Variants in NID1 observed in about 807,000 individuals in gnomAD.
The protein encoded by NID1 is nidogen 1.
A neutral mutation model predicts 130.6 loss-of-function variants in NID1; 76 were observed. That is an observed-to-expected ratio of 0.58 (90% CI 0.48 to 0.70). The LOEUF is 0.70. Ranked by LOEUF, NID1 falls within the 30% of genes least tolerant of loss-of-function variation. The probability of loss-of-function intolerance (pLI) is 0.00; values close to 1 mark genes in which losing one functional copy is unlikely to be tolerated. For missense variants in NID1, 1,517 were observed against 1,664.8 expected, an observed-to-expected ratio of 0.91 and a Z score of 1.54; for synonymous variants, 665 against 675.1, an observed-to-expected ratio of 0.98 and a Z score of 0.23.
intron 3 of NID1, among the ~76,000 whole-genome samples, chr1:236,043,149 A>G (rs914474954): frequency 6.6e-6 from 1 of 152,158 alleles, no homozygotes. Context: ...TGGTTGTTCC[A>G]GAGTTGTATC....
At chr1:236,019,433 A>G (rs2102821447) in intron 9 of NID1, among the ~76,000 whole-genome samples, 1 of 152,336 alleles carries the variant, frequency 6.6e-6, no homozygotes, top group East Asian at 1.9e-4. Context: ...GAGCAAAATC[A>G]CAGGGGATCT....
chr1:236,054,184 G>A (rs1046017428), intron 1 of NID1, among the ~76,000 whole-genome samples: 6 of 152,186 alleles, frequency 3.9e-5, no homozygotes, highest in Non-Finnish European at 7.3e-5. Context: ...GGCTAGGCGA[G>A]GTGGCTTGCT....
intron 12 of NID1, among the ~76,000 whole-genome samples, chr1:236,011,702 CCTT>C (rs1473604114): frequency 6.6e-6 from 1 of 152,236 alleles, no homozygotes; most frequent in Admixed American, 6.5e-5. Flanking sequence ...TCCCGCCTCA[CCTT>C]CTCTCCCAGG....
At chr1:236,026,572 A>T (rs1658936193) in intron 7 of NID1, among the ~76,000 whole-genome samples, 2 of 152,150 alleles carry the variant, frequency 1.3e-5, no homozygotes, top group Non-Finnish European at 2.9e-5. Context: ...AAATAGGTCA[A>T]GGTGGGGATC....
chr1:236,057,283 C>A (rs948423997), intron 1 of NID1, among the ~76,000 whole-genome samples: 1 of 151,890 alleles, frequency 6.6e-6, no homozygotes, highest in Non-Finnish European at 1.5e-5. Context: ...ATTATGGGAT[C>A]GCACTTTAGT....
intron 1 of NID1, 112 bp downstream of exon 1, chr1:236,064,743 G>A: frequency 1.1e-6 from 1 of 937,458 alleles, no homozygotes; most frequent in Non-Finnish European, 1.5e-6. Context: ...GTGCCCCGGC[G>A]GCCAGCGGGT....
intron 12 of NID1, among the ~76,000 whole-genome samples, chr1:236,003,347 T>C (rs1329823162): frequency 2.0e-5 from 3 of 152,192 alleles, no homozygotes; most frequent in Non-Finnish European, 4.4e-5. Flanking sequence ...GCTTAAGAAA[T>C]ATTTAACTAT....
intron 12 of NID1, among the ~76,000 whole-genome samples, chr1:236,011,277 C>CTAAGGTGTCAA (rs1658401160): frequency 6.6e-6 from 1 of 150,452 alleles, no homozygotes; most frequent in Non-Finnish European, 1.5e-5. Flanking sequence ...TAACTCCAGT[C>CTAAGGTGTCAA]TAAGGTGTCA....
chr1:235,987,259 A>G (rs1251454196), intron 14 of NID1, among the ~76,000 whole-genome samples: 1 of 152,240 alleles, frequency 6.6e-6, no homozygotes, highest in Non-Finnish European at 1.5e-5. Flanking sequence ...ACTCCAACCT[A>G]GAAAGAACAC....
intron 14 of NID1, among the ~76,000 whole-genome samples, chr1:235,987,738 G>A (rs528200535): frequency 8.6e-5 from 13 of 151,034 alleles, no homozygotes; most frequent in Non-Finnish European, 1.9e-4. Flanking sequence ...CGAAGCCAGG[G>A]AAGGTCTCAG....
rs187679558 is a variant in NID1, at chr1:236,008,562, G to A, written c.2527+3359C>T. 6.3e-3 allele frequency among the ~76,000 whole-genome samples: 959 copies of A among 152,170 alleles called. 13 individuals are homozygous for A. The highest frequency in any genetic ancestry group is 0.022 in the African/African-American group (925 of 41,492). On this transcript the variant is annotated intron_variant, in intron 12 of 19. Transcript: ENST00000264187. ...GTCACCCAGGCTGGAGTGCAGTGGT[G>A]CAATCTTGGCTTACTGTGACCTCCG...
intron 4 of NID1, among the ~76,000 whole-genome samples, chr1:236,039,728 C>T (rs908972776): frequency 6.6e-6 from 1 of 152,148 alleles, no homozygotes; most frequent in African/African-American, 2.4e-5. Flanking sequence ...AAAGTTTAAA[C>T]CCAGGTAGAC....
intron 12 of NID1, among the ~76,000 whole-genome samples, chr1:235,999,041 C>T (rs933115468): frequency 3.3e-5 from 5 of 152,274 alleles, no homozygotes; most frequent in South Asian, 2.1e-4. Context: ...AGTGCTTAGA[C>T]GGCTCCCTCA....
intron 10 of NID1, among the ~76,000 whole-genome samples, chr1:236,015,994 G>C (rs1658584395): frequency 6.6e-6 from 1 of 152,110 alleles, no homozygotes; most frequent in Non-Finnish European, 1.5e-5. Flanking sequence ...CAGTTACTGT[G>C]CACATCAGCA....
chr1:236,058,618 G>A (rs368018450), intron 1 of NID1, among the ~76,000 whole-genome samples: 48 of 152,276 alleles, frequency 3.2e-4, no homozygotes, highest in African/African-American at 1.7e-4. Flanking sequence ...ATGAATCACC[G>A]GAGAAAGTCT....
intron 12 of NID1, among the ~76,000 whole-genome samples, chr1:235,996,219 ACAGGAATAACCCATAGCACCTGC>A (rs1457429332): frequency 6.6e-6 from 1 of 152,140 alleles, no homozygotes; most frequent in Non-Finnish European, 1.5e-5. Flanking sequence ...GGGGATGCAC[ACAGGAATAACCCATAGCACCTGC>A]TGTCAGGGAG....
intron 7 of NID1, 51 bp from the exon 8 acceptor site, chr1:236,026,192 T>C (rs372873952): frequency 6.3e-7 from 1 of 1,598,668 alleles, no homozygotes; most frequent in Non-Finnish European, 8.5e-7. Flanking sequence ...AGAGGGAAGA[T>C]GGTTAAGGAT....
chr1:235,986,374 A>G (rs1167301145), intron 14 of NID1, among the ~76,000 whole-genome samples: 1 of 152,098 alleles, frequency 6.6e-6, no homozygotes, highest in East Asian at 1.9e-4. Context: ...TCAATATAAA[A>G]TTATTTTTCT....
rs1434169836 is a variant in NID1 at position 236,050,267 on chromosome 1, T to A, written c.226-1278A>T. Among the ~76,000 whole-genome samples the A allele has an allele frequency of 2.6e-5, 4 of 152,176 alleles. No homozygotes were observed. In the East Asian group the frequency reaches 7.8e-4, roughly 30 times the overall value. On this transcript the variant is annotated intron_variant, in intron 1 of 19. Transcript: ENST00000264187. Reference sequence around the variant, plus strand: ...AGTTATAACTGCTTATTAAAAGATATCACTGGCCAGGTGTGGTGGCTCACG... The same window carrying A: ...AGTTATAACTGCTTATTAAAAGATAACACTGGCCAGGTGTGGTGGCTCACG...
Sources: allele counts gnomAD v4.1 joint callset (sites outside exome capture counted in the v4.1 genomes callset), GRCh38; gene constraint gnomAD v4.1.1; transcripts MANE v1.5; gene names NCBI Gene and HGNC (gene_info 2026-07-23, HGNC 2026-07-21).